The following PTPN7 variants were observed in gnomAD, a reference collection of about 807,000 sequenced individuals.
PTPN7 encodes the protein protein tyrosine phosphatase non-receptor type 7, also known as tyrosine-protein phosphatase non-receptor type 7.
Under a neutral mutation model 50.3 loss-of-function variants are expected in PTPN7, and 33 were observed. The observed-to-expected ratio is 0.66, with a 90% CI of 0.50 to 0.88. The LOEUF (loss-of-function observed/expected upper bound fraction) is 0.88. Ranked by LOEUF, PTPN7 falls within the 40% of genes least tolerant of loss-of-function variation. The pLI is 0.00. For missense variants in PTPN7, 412 were observed against 475.4 expected (o/e 0.87, Z 1.24); for synonymous variants, 185 against 186.6 (o/e 0.99, Z 0.07).
chr1:202,159,432 G>T lies in PTPN7; in HGVS notation c.-30C>A. ...AGGTGGGGTGCTGGGCCCAGGGGAG[G>T]CTCACTCAGCCATGAGGTCTGCCTG... On this transcript the variant is annotated 5_prime_UTR_variant, in exon 2 of 10. Coordinates refer to ENST00000691036, the MANE Select transcript of PTPN7 (RefSeq NM_002832.4). This position sits in a 1 kb window ranked among gnomAD's most constrained non-coding sequence, Gnocchi z 4.6. The T allele has an allele frequency of 6.2e-7, 1 of 1,613,970 alleles. No individual in the cohort carries two copies. Among genetic ancestry groups the T allele is most frequent in the Non-Finnish European group, 8.5e-7 (1 of 1,179,904 alleles).
Position 202,154,110 on chromosome 1 carries a change from G to A in PTPN7, c.606+76C>T, listed in dbSNP as rs1656364801. On this transcript the variant is annotated intron_variant, in intron 6 of 9. Coordinates refer to ENST00000691036, the MANE Select transcript of PTPN7 (RefSeq NM_002832.4). ...CCAGGGAAACCTCTGGTTCTGAGCT[G>A]CCCTGTGTGTGGGGTGGGGGTGGGG... is the stretch of plus-strand genomic sequence containing the variant. 6.3e-6 allele frequency: 10 copies of A among 1,588,058 alleles called. No homozygotes were observed. The South Asian group carries it at 8.9e-5, about 14-fold the overall frequency.
rs777087671 is a variant in PTPN7 at position 202,150,317 on chromosome 1, A to G, written c.983T>C (p.Leu328Pro). The G allele has an allele frequency of 1.2e-6, 2 of 1,610,498 alleles. No homozygotes were observed. Among genetic ancestry groups the G allele is most frequent in the Non-Finnish European group, 1.7e-6 (2 of 1,178,038 alleles). The stretch of plus-strand genomic sequence containing the variant: ...TTTACACCCACAGACCCACCTGTCT[A>G]GCCGCAGTTGGCACACAATACCCAG... ...DILGIVCQLR[L>P]DRGGMIQTAE... The change falls in exon 9 of 10, where the codon CTA (leucine) becomes CCA (proline). Residue 328 changes from leucine to proline, a missense_variant. Physicochemically the swap from Leu to Pro is moderately conservative, Grantham distance 98. Transcript: ENST00000691036.
In PTPN7 at chr1:202,159,550, G is replaced by T. The variant is rs761686112; in HGVS notation, c.-52-96C>A. On this transcript the variant is annotated intron_variant, in intron 1 of 9. Transcript: ENST00000691036. This position sits in a 1 kb window ranked among gnomAD's most constrained non-coding sequence, Gnocchi z 4.6. ...GCCAGGTTTGCACTCTGTTTTCACT[G>T]GGGCGTCTTCTGTTCCCCAAGAGGT... 6.6e-7 allele frequency: 1 copy of T among 1,516,094 alleles called. No homozygotes were observed. Among genetic ancestry groups the T allele is most frequent in the Non-Finnish European group, 8.8e-7 (1 of 1,134,430 alleles). The allele number at this position is 1,516,094 out of a possible 1,614,324, so 93.9% of individuals were successfully genotyped here. A position where few individuals can be genotyped will look rare whatever the true frequency, so the allele number is the denominator to read the frequency against.
chr1:202,159,699 CAGA>C lies in PTPN7; in HGVS notation c.-52-248_-52-246del, dbSNP rs1657133530. On this transcript the variant is annotated intron_variant, in intron 1 of 9. Transcript: ENST00000691036. The surrounding 1 kb of genome is among the most constrained non-coding windows in gnomAD (Gnocchi z 4.6). ...TTGTGGATGAAGATAGGAAAGAATC[CAGA>C]AGGAGGAAAAGAGAGAGGGGAGAGA... 3 of 1,366,350 alleles carry C rather than the reference CAGA, an allele frequency of 2.2e-6. No homozygotes were observed. Among genetic ancestry groups the C allele is most frequent in the Admixed American group, 3.1e-5 (1 of 32,492 alleles). The allele number at this position is 1,366,350 out of a possible 1,614,324, so 84.6% of individuals were successfully genotyped here.
Position 202,159,389 on chromosome 1 carries a change from T to A in PTPN7, c.14A>T (p.His5Leu). ...CGGCTGTGCTCTGGAGCGCCCCCCA[T>A]GGGCTTGGACCATGCTGAGGTGGGG... MVQA[H>L]GGRSRAQPLT... Residue 5 changes from histidine to leucine, a missense_variant, in exon 2 of 10, where the codon CAT becomes CTT. Transcript: ENST00000691036. The surrounding 1 kb of genome is among the most constrained non-coding windows in gnomAD (Gnocchi z 4.6). 6.2e-7 allele frequency: 1 copy of A among 1,614,134 alleles called. No individual in the cohort carries two copies. Among genetic ancestry groups the A allele is most frequent in the East Asian group, 2.2e-5 (1 of 44,870 alleles).
At position 202,160,526 on chromosome 1, in the gene PTPN7, C is replaced by A. The variant is rs114880984; in HGVS notation, c.-53+19G>T. Reference sequence around the variant, plus strand: ...CCCCCGGGGCCACAGGACTCCCAGTCCCCCCTTCAGATACTTACTGAAGCA... The same window carrying A: ...CCCCCGGGGCCACAGGACTCCCAGTACCCCCTTCAGATACTTACTGAAGCA... On this transcript the variant is annotated intron_variant, in intron 1 of 9. Transcript: ENST00000691036. This position sits in a 1 kb window ranked among gnomAD's most constrained non-coding sequence, Gnocchi z 4.8. The A allele has an allele frequency of 4.3e-3, 6,682 of 1,536,618 alleles. 270 individuals are homozygous for A. In the African/African-American group the frequency reaches 0.081, roughly 19 times the overall value.
At chr1:202,157,957 G>C (rs1265512304) in intron 3 of PTPN7, 134 bp from the exon 4 acceptor site, 1 of 1,237,570 alleles carries the variant, frequency 8.1e-7, no homozygotes, top group Non-Finnish European at 1.1e-6. Context: ...GGTGGGGGCA[G>C]AAGGGGAAGC....
chr1:202,152,470 C>T, intron 8 of PTPN7, 72 bp downstream of exon 8: 1 of 1,538,580 alleles, frequency 6.5e-7, no homozygotes, highest in African/African-American at 1.4e-5. Context: ...TCAGACCCTT[C>T]CCCAGGAGAG....
chr1:202,151,510 A>G (rs1051320329), intron 8 of PTPN7, among the ~76,000 whole-genome samples: 3 of 147,236 alleles, frequency 2.0e-5, no homozygotes, highest in Non-Finnish European at 1.5e-5. Context: ...CTCTCATCAC[A>G]TTGCGTGGTA....
rs1000602285 is a variant in PTPN7 at position 202,152,834 on chromosome 1, A to C, written c.718-135T>G. 5.1e-6 allele frequency: 5 copies of C among 980,310 alleles called. No homozygotes were observed. In the Admixed American group the frequency reaches 1.0e-4, roughly 20 times the overall value. The allele number at this position is 980,310 out of a possible 1,614,324, so 60.7% of individuals were successfully genotyped here. ...ATCTACTCAAAGCAAGCTAGGTTGCAATTTTCGTGCTCATTGTTCTCCACC... is the reference window on the plus strand; with the variant it reads ...ATCTACTCAAAGCAAGCTAGGTTGCCATTTTCGTGCTCATTGTTCTCCACC... On this transcript the variant is annotated intron_variant, in intron 7 of 9. Transcript: ENST00000691036.
intron 7 of PTPN7, 142 bp from the exon 8 acceptor site, chr1:202,152,841 G>A (rs990455561): frequency 2.2e-5 from 20 of 906,122 alleles, no homozygotes; most frequent in East Asian, 1.0e-4. Context: ...TGCAATTTTC[G>A]TGCTCATTGT....
chr1:202,156,375 G>A (rs1656659881), intron 4 of PTPN7, among the ~76,000 whole-genome samples: 1 of 152,216 alleles, frequency 6.6e-6, no homozygotes, highest in African/African-American at 2.4e-5. Context: ...GGTGAATATG[G>A]GATTCACATG....
intron 6 of PTPN7, 124 bp downstream of exon 6, chr1:202,154,062 G>C: frequency 1.4e-6 from 2 of 1,400,456 alleles, no homozygotes; most frequent in Non-Finnish European, 9.9e-7. Flanking sequence ...AACTTTCTGA[G>C]AGGTATGAGC....
intron 7 of PTPN7, among the ~76,000 whole-genome samples, chr1:202,153,477 G>A (rs2147837080): frequency 6.6e-6 from 1 of 152,286 alleles, no homozygotes; most frequent in South Asian, 2.1e-4. Flanking sequence ...CCTGGATCCT[G>A]CCTGTCCCCG....
intron 4 of PTPN7, among the ~76,000 whole-genome samples, chr1:202,156,887 T>C (rs1656722639): frequency 6.6e-6 from 1 of 152,132 alleles, no homozygotes; most frequent in East Asian, 1.9e-4. Context: ...AGGTGCTTGC[T>C]CCGGGTCTGC....
chr1:202,148,677 C>T lies in PTPN7; in HGVS notation c.1012G>A (p.Glu338Lys), dbSNP rs751547685. The T allele has an allele frequency of 1.2e-6, 2 of 1,613,864 alleles. No homozygotes were observed. The highest frequency in any genetic ancestry group is 1.7e-6 in the Non-Finnish European group (2 of 1,179,874). ...LDRGGMIQTAEQYQFLHHTLA... is the reference protein window; with the variant it reads ...LDRGGMIQTAKQYQFLHHTLA... ...GTGTGGTGCAGGAACTGGTACTGCT[C>T]TGCCGTCTGGATCATCCCCCCTCTG... The change falls in exon 10 of 10, where the codon GAG becomes AAG. Residue 338 changes from glutamate to lysine, a missense_variant. Glu to Lys is a moderately conservative substitution (Grantham distance 56). Coordinates refer to ENST00000691036, the MANE Select transcript of PTPN7 (RefSeq NM_002832.4).
At chr1:202,155,466 G>T in intron 5 of PTPN7, 67 bp downstream of exon 5, 1 of 1,446,710 alleles carries the variant, frequency 6.9e-7, no homozygotes, top group Non-Finnish European at 9.7e-7. Flanking sequence ...AGCCATGGCT[G>T]GAAGATATTC....
At chr1:202,150,467 A>C in intron 8 of PTPN7, 43 bp from the exon 9 acceptor site, 1 of 1,478,172 alleles carries the variant, frequency 6.8e-7, no homozygotes, top group Non-Finnish European at 9.3e-7. Context: ...ATGGGAGACC[A>C]GGGAATATGA....
rs527246642 is a variant in PTPN7, at chr1:202,149,592, A to G, written c.989+719T>C. On this transcript the variant is annotated intron_variant, in intron 9 of 9. Transcript: ENST00000691036. ...GGGCATTGTTGAGCCCAGGAGTTCG[A>G]GACTAGTCTGGGCAACATAGTGAGA... is the stretch of plus-strand genomic sequence containing the variant. 7.5e-4 allele frequency among the ~76,000 whole-genome samples: 114 copies of G among 152,140 alleles called. 1 individual carries two copies. The highest frequency in any genetic ancestry group is 2.5e-3 in the African/African-American group (103 of 41,500).
Sources: allele counts gnomAD v4.1 joint callset (sites outside exome capture counted in the v4.1 genomes callset), GRCh38; gene constraint gnomAD v4.1.1; non-coding constraint Gnocchi (gnomAD v3.1); transcripts MANE v1.5; gene names NCBI Gene and HGNC (gene_info 2026-07-23, HGNC 2026-07-21).